Variants in ADAM12 observed in about 807,000 individuals in gnomAD.
The protein encoded by ADAM12 is disintegrin and metalloproteinase domain-containing protein 12.
Under a neutral mutation model 106.4 loss-of-function variants are expected in ADAM12, and 70 were observed. The observed-to-expected ratio is 0.66, with a 90% CI of 0.54 to 0.80. The LOEUF (loss-of-function observed/expected upper bound fraction) is 0.80. ADAM12 is among the 30% of genes least tolerant of loss of function. The pLI, the probability that ADAM12 is intolerant of heterozygous loss-of-function variation, is 0.00. For missense variants in ADAM12, 1,010 were observed against 1,171.9 expected (o/e 0.86, Z 2.02); for synonymous variants, 420 against 433.5 (o/e 0.97, Z 0.39).
At position 126,380,079 on chromosome 10, in the gene ADAM12, C is replaced by T. The variant is rs369019030; in HGVS notation, c.88+7979G>A. Among the ~76,000 whole-genome samples, 11 of 152,206 alleles carry T rather than the reference C, an allele frequency of 7.2e-5. No homozygotes were observed. In the East Asian group the frequency reaches 1.7e-3, roughly 24 times the overall value. On this transcript the variant is annotated intron_variant, in intron 1 of 22. Transcript: ENST00000448723. ...CCAAGAAGCTGAGCTCTTAATGTAG[C>T]CTTGGAATGACATAAAAGCTTAAAG... is the stretch of plus-strand genomic sequence containing the variant.
At chr10:126,303,036 G>A (rs1302830380) in intron 2 of ADAM12, among the ~76,000 whole-genome samples, 1 of 152,180 alleles carries the variant, frequency 6.6e-6, no homozygotes, top group Middle Eastern at 3.2e-3. Context: ...GTGCCTGGGA[G>A]GACACTGACA....
chr10:126,363,676 C>T (rs1855813018), intron 1 of ADAM12, among the ~76,000 whole-genome samples: 1 of 152,124 alleles, frequency 6.6e-6, no homozygotes, highest in African/African-American at 2.4e-5. Flanking sequence ...CTGGGTTAGC[C>T]TGCTACGGAG....
chr10:126,384,074 C>T (rs1436156541), intron 1 of ADAM12, among the ~76,000 whole-genome samples: 3 of 152,086 alleles, frequency 2.0e-5, no homozygotes, highest in Non-Finnish European at 4.4e-5. Context: ...AGATATGATG[C>T]CAAGAGGTAC....
intron 1 of ADAM12, among the ~76,000 whole-genome samples, chr10:126,374,952 C>T (rs1345285387): frequency 2.0e-5 from 3 of 151,922 alleles, no homozygotes; most frequent in Non-Finnish European, 4.4e-5. Context: ...CAAAGAACTA[C>T]CTTAAAAGTA....
intron 21 of ADAM12, among the ~76,000 whole-genome samples, chr10:126,021,154 G>A (rs531466015): frequency 2.0e-5 from 3 of 152,254 alleles, no homozygotes; most frequent in African/African-American, 7.2e-5. Context: ...TGGGTGCCAT[G>A]TCTTGTCTTT....
intron 3 of ADAM12, among the ~76,000 whole-genome samples, chr10:126,166,701 A>G (rs148855525): frequency 1.8e-3 from 273 of 151,990 alleles, no homozygotes; most frequent in African/African-American, 6.1e-3. Context: ...GTTTCACCAT[A>G]TTGGCCAGGA....
intron 20 of ADAM12, 151 bp downstream of exon 20, chr10:126,038,090 C>CAGAG (rs1954090768): frequency 3.8e-6 from 3 of 783,266 alleles, no homozygotes; most frequent in Admixed American, 4.4e-5. Context: ...CCCCAGATCA[C>CAGAG]AGAGACCCTC....
At chr10:126,379,241 CAT>C (rs756857029) in intron 1 of ADAM12, among the ~76,000 whole-genome samples, 2 of 152,192 alleles carry the variant, frequency 1.3e-5, no homozygotes, top group Non-Finnish European at 2.9e-5. Context: ...CACATGCACA[CAT>C]ATGTTTATTG....
chr10:126,035,930 C>A (rs1298766326), intron 21 of ADAM12, among the ~76,000 whole-genome samples: 7 of 151,086 alleles, frequency 4.6e-5, no homozygotes, highest in Non-Finnish European at 7.4e-5. Context: ...AAAATTATAA[C>A]TAGTAAATTA....
chr10:126,088,330 C>T (rs1364683270), intron 11 of ADAM12, among the ~76,000 whole-genome samples: 1 of 152,092 alleles, frequency 6.6e-6, no homozygotes, highest in Non-Finnish European at 1.5e-5. Flanking sequence ...TGGCCAGCTG[C>T]GCGTCTGTTG....
At chr10:126,261,770 C>G (rs1406597113) in intron 3 of ADAM12, among the ~76,000 whole-genome samples, 1 of 151,418 alleles carries the variant, frequency 6.6e-6, no homozygotes, top group Admixed American at 6.6e-5. Context: ...GATTAAAAGG[C>G]CTTTTCTCTC....
At position 126,387,824 on chromosome 10, in the gene ADAM12, G is replaced by A. The variant is rs564557170; in HGVS notation, c.88+234C>T. The stretch of plus-strand genomic sequence containing the variant: ...GAGCGGTCCCGAGGCTGTGCCCTCC[G>A]GGGCAGGTACTGGCTCCTGTGGGGC... On this transcript the variant is annotated intron_variant, in intron 1 of 22. Transcript: ENST00000448723. Among the ~76,000 whole-genome samples the A allele has an allele frequency of 3.3e-5, 5 of 152,094 alleles. No individual in the cohort carries two copies. The South Asian group carries it at 1.0e-3, about 32-fold the overall frequency.
rs747097214 is a variant in ADAM12, at chr10:126,017,321, T to C, written c.2679A>G (p.Pro893=). The C allele has an allele frequency of 6.3e-7, 1 of 1,588,422 alleles. No homozygotes were observed. Among genetic ancestry groups the C allele is most frequent in the Non-Finnish European group, 8.6e-7 (1 of 1,166,290 alleles). Residue 893 remains proline (P), a synonymous_variant, in exon 23 of 23, where the codon CCA becomes CCG. Coordinates refer to ENST00000448723, the MANE Select transcript of ADAM12 (RefSeq NM_001288973.2). The part of the protein sequence containing the change: ...LAPLRPAPQY[P]HQVPRSTHTA... ...TGTGGGTGGATCTGGGCACTTGGTG[T>C]GGATATTGTGGAGCAGGTCTGAATG... is the stretch of plus-strand genomic sequence containing the variant.
At chr10:126,118,555 T>C (rs72841009) in intron 5 of ADAM12, among the ~76,000 whole-genome samples, 69 of 152,378 alleles carry the variant, frequency 4.5e-4, no homozygotes, top group Admixed American at 8.5e-4. Flanking sequence ...ATGTTTTAAC[T>C]GCTTAGAAGA....
chr10:126,210,098 T>A (rs1229424478), intron 3 of ADAM12, among the ~76,000 whole-genome samples: 3 of 152,222 alleles, frequency 2.0e-5, no homozygotes, highest in African/African-American at 7.2e-5. Flanking sequence ...ATCTCCCATC[T>A]TTCCCCAACT....
chr10:126,060,362 AG>A (rs1357577744), intron 14 of ADAM12, among the ~76,000 whole-genome samples: 1 of 152,146 alleles, frequency 6.6e-6, no homozygotes, highest in East Asian at 1.9e-4. Flanking sequence ...CCAGATCTGG[AG>A]GGTGAGTAAT....
At position 126,145,116 on chromosome 10, in the gene ADAM12, T is replaced by A. The variant is rs1624391; in HGVS notation, c.340-9456A>T. Among the ~76,000 whole-genome samples the A allele has an allele frequency of 1.4e-3, 216 of 152,170 alleles. 3 individuals are homozygous for A. The East Asian group carries it at 0.025, about 17-fold the overall frequency. ...AAGCATCTCTGTTATGGGCACATTA[T>A]GTCATATGTTGTTAGAATGTATGTT... On this transcript the variant is annotated intron_variant, in intron 4 of 22. Coordinates refer to ENST00000448723, the MANE Select transcript of ADAM12 (RefSeq NM_001288973.2).
chr10:126,029,855 G>T (rs911178624), intron 21 of ADAM12, among the ~76,000 whole-genome samples: 3 of 152,194 alleles, frequency 2.0e-5, no homozygotes, highest in African/African-American at 7.2e-5. Context: ...GCAAAGAGAT[G>T]AAAAACCTCC....
At chr10:126,054,291 G>A (rs572934538) in intron 14 of ADAM12, among the ~76,000 whole-genome samples, 7 of 152,330 alleles carry the variant, frequency 4.6e-5, no homozygotes, top group East Asian at 1.9e-4. Flanking sequence ...AGTCACAGCC[G>A]AAGAATAATA....
Sources: gnomAD v4.1 joint callset for allele counts (sites outside exome capture counted in the v4.1 genomes callset) on GRCh38, gnomAD v4.1.1 for gene constraint, MANE v1.5 for transcripts, NCBI Gene and HGNC (gene_info 2026-07-23, HGNC 2026-07-21) for gene names.